Variants in CDH2 observed in about 807,000 individuals in gnomAD.
The protein encoded by CDH2 is cadherin-2.
Under a neutral mutation model 92.0 loss-of-function variants are expected in CDH2, and 17 were observed. That is an observed-to-expected ratio of 0.18 (90% confidence interval 0.13 to 0.28). The LOEUF is 0.28. Ranked by LOEUF, CDH2 falls within the 10% of genes least tolerant of loss-of-function variation. CDH2 has a pLI of 1.00. For missense variants in CDH2, 862 were observed against 1,133.1 expected, an observed-to-expected ratio of 0.76 and a Z score of 3.44; for synonymous variants, 419 against 415.9, an observed-to-expected ratio of 1.01 and a Z score of -0.09.
chr18:28,126,121 C>T (rs1330586362), intron 2 of CDH2, among the ~76,000 whole-genome samples: 2 of 151,900 alleles, frequency 1.3e-5, no homozygotes, highest in South Asian at 2.1e-4. Context: ...AGGAAATATC[C>T]AGATGTATAT....
intron 14 of CDH2, among the ~76,000 whole-genome samples, chr18:27,965,489 G>A (rs1377159631): frequency 6.6e-6 from 1 of 152,268 alleles, no homozygotes; most frequent in Non-Finnish European, 1.5e-5. Context: ...CATTTTGGGA[G>A]AGTCCACAGC....
intron 2 of CDH2, among the ~76,000 whole-genome samples, chr18:28,142,404 T>C (rs1347547565): frequency 2.6e-5 from 4 of 151,368 alleles, no homozygotes; most frequent in African/African-American, 9.7e-5. Context: ...TTAAGAAAAC[T>C]AGACCTAAAA....
At position 27,963,491 on chromosome 18, in the gene CDH2, C is replaced by T. The variant is rs1037976434; in HGVS notation, c.2380G>A (p.Asp794Asn). ...DYDLSQLQQP[D>N]TVEPDAIKPV... ...TTGATGGCATCAGGCTCCACAGTGT[C>T]AGGCTGCTGCAGCTGGCTCAAGTCA... Residue 794 changes from aspartate (D) to asparagine (N), a missense_variant, in exon 15 of 16, where the codon GAC becomes AAC. Asp to Asn is a conservative substitution (Grantham distance 23). This residue lies in a region of CDH2 where 4 missense variants were observed against 27.1 expected (regional missense o/e 0.15). Coordinates refer to ENST00000269141, the MANE Select transcript of CDH2 (RefSeq NM_001792.5). 1.2e-6 allele frequency: 2 copies of T among 1,613,952 alleles called. No individual in the cohort carries two copies. Among genetic ancestry groups the T allele is most frequent in the Non-Finnish European group, 1.7e-6 (2 of 1,180,026 alleles).
At chr18:27,986,889 T>C (rs1446407881) in intron 11 of CDH2, among the ~76,000 whole-genome samples, 4 of 152,198 alleles carry the variant, frequency 2.6e-5, no homozygotes, top group African/African-American at 9.7e-5. Flanking sequence ...ATAACAACTA[T>C]ATAGAATATG....
intron 2 of CDH2, among the ~76,000 whole-genome samples, chr18:28,131,679 TTGTGGTG>T (rs1340129834): frequency 2.8e-5 from 3 of 108,788 alleles, no homozygotes; most frequent in African/African-American, 1.3e-4. Context: ...CAAAAAGCAT[TTGTGGTG>T]TGTGTGTGTG....
At chr18:28,003,627 C>T (rs1053529847) in intron 6 of CDH2, among the ~76,000 whole-genome samples, 10 of 152,122 alleles carry the variant, frequency 6.6e-5, no homozygotes, top group African/African-American at 2.4e-4. Context: ...AGTCACTTTC[C>T]GAATGTAGGC....
chr18:27,953,859 A>G (rs1909583856), intron 15 of CDH2, among the ~76,000 whole-genome samples: 1 of 152,190 alleles, frequency 6.6e-6, no homozygotes, highest in South Asian at 2.1e-4. Flanking sequence ...AATGAATATT[A>G]GTTAGTATTT....
intron 6 of CDH2, among the ~76,000 whole-genome samples, chr18:27,937,688 A>T (rs897268029): frequency 1.3e-5 from 2 of 152,192 alleles, no homozygotes; most frequent in African/African-American, 4.8e-5. Flanking sequence ...TGGTAGGATT[A>T]TAAGTGAGCC....
intron 2 of CDH2, among the ~76,000 whole-genome samples, chr18:28,041,315 G>C (rs1375367203): frequency 6.6e-6 from 1 of 152,152 alleles, no homozygotes; most frequent in Non-Finnish European, 1.5e-5. Flanking sequence ...TATACATGGG[G>C]ACCAGGGCTA....
rs1162569538 is a variant in CDH2 at position 28,168,785 on chromosome 18, G to C, written c.60+8178C>G. Among the ~76,000 whole-genome samples, 4 of 151,970 alleles carry C rather than the reference G, an allele frequency of 2.6e-5. No homozygotes were observed. In the South Asian group the frequency reaches 6.2e-4, roughly 24 times the overall value. On this transcript the variant is annotated intron_variant, in intron 1 of 15. Transcript: ENST00000269141. ...AAATATTTAAGGCCAAGATTAAACA[G>C]AGAGTGTAATTCAAAAGTTAATTAT... is the stretch of plus-strand genomic sequence containing the variant.
chr18:27,961,039 A>T (rs1199565638), intron 15 of CDH2, among the ~76,000 whole-genome samples: 1 of 151,564 alleles, frequency 6.6e-6, no homozygotes. Context: ...ACAAAAAAAA[A>T]ATCAATGACC....
intron 2 of CDH2, among the ~76,000 whole-genome samples, chr18:28,132,129 G>A (rs1048560274): frequency 3.3e-5 from 5 of 152,188 alleles, no homozygotes; most frequent in Non-Finnish European, 5.9e-5. Context: ...TCTGGCCTTC[G>A]CCATGTACAC....
At chr18:27,944,754 T>TAAAAAAAAA (rs869217652) in intron 6 of CDH2, among the ~76,000 whole-genome samples, 1 of 83,570 alleles carries the variant, frequency 1.2e-5, no homozygotes. Context: ...ACTTCCTTTC[T>TAAAAAAAAA]AAAAAAAAAA....
rs530407146 is a variant in CDH2, at chr18:28,105,373, G to A, written c.172+42300C>T. Among the ~76,000 whole-genome samples, 5 of 152,250 alleles carry A rather than the reference G, an allele frequency of 3.3e-5. No individual in the cohort carries two copies. In the South Asian group the frequency reaches 6.2e-4, roughly 19 times the overall value. On this transcript the variant is annotated intron_variant, in intron 2 of 15. Coordinates refer to ENST00000269141, the MANE Select transcript of CDH2 (RefSeq NM_001792.5). ...GAAATAGAGCAAACTCTATCAAGAT[G>A]TTGTGATTTCAGATAATTCAGAACA...
intron 1 of CDH2, among the ~76,000 whole-genome samples, chr18:28,162,872 T>A (rs2016326551): frequency 6.6e-6 from 1 of 152,198 alleles, no homozygotes; most frequent in Admixed American, 6.5e-5. Flanking sequence ...AGAGGATTGA[T>A]GTGAGGATTA....
At chr18:28,143,463 G>T (rs567655003) in intron 2 of CDH2, among the ~76,000 whole-genome samples, 1 of 151,744 alleles carries the variant, frequency 6.6e-6, no homozygotes, top group African/African-American at 2.4e-5. Context: ...AAAGCCCCAG[G>T]TTCTTCTGCT....
At chr18:28,144,984 C>A (rs1214563327) in intron 2 of CDH2, among the ~76,000 whole-genome samples, 1 of 152,028 alleles carries the variant, frequency 6.6e-6, no homozygotes, top group Non-Finnish European at 1.5e-5. Flanking sequence ...TTTCATGCTT[C>A]TTCTATATAA....
chr18:28,067,470 T>C lies in CDH2; in HGVS notation c.173-53561A>G, dbSNP rs549151485. Among the ~76,000 whole-genome samples, 4 of 152,272 alleles carry C rather than the reference T, an allele frequency of 2.6e-5. No homozygotes were observed. In the East Asian group the frequency reaches 5.8e-4, roughly 22 times the overall value. On this transcript the variant is annotated intron_variant, in intron 2 of 15. Coordinates refer to ENST00000269141, the MANE Select transcript of CDH2 (RefSeq NM_001792.5). ...GATTTACCTAAACATTTCATACAAA[T>C]GGAATCATACAATATGTGGTCCTTT...
chr18:28,049,293 T>C (rs972110225), intron 2 of CDH2, among the ~76,000 whole-genome samples: 2 of 152,196 alleles, frequency 1.3e-5, no homozygotes, highest in South Asian at 2.1e-4. Flanking sequence ...AAACGTGCTA[T>C]GGGCATGTAC....
Sources: gnomAD v4.1 joint callset for allele counts (sites outside exome capture counted in the v4.1 genomes callset) on GRCh38, gnomAD v4.1.1 for gene constraint, gnomAD v4.1.1 regional missense constraint, MANE v1.5 for transcripts, NCBI Gene and HGNC (gene_info 2026-07-23, HGNC 2026-07-21) for gene names.